TAF3: variants seen among roughly 807,000 people sequenced by gnomAD.
TAF3 encodes the protein TATA-box binding protein associated factor 3.
Under a neutral mutation model 80.6 loss-of-function variants are expected in TAF3, and 7 were observed. That is an observed-to-expected ratio of 0.09 (90% CI 0.05 to 0.16). The LOEUF is 0.16. Among genes scored for constraint, TAF3 ranks in the 10% least tolerant of loss-of-function variants. The pLI, the probability that TAF3 is intolerant of heterozygous loss-of-function variation, is 1.00. For synonymous variants in TAF3, 444 were observed against 446.1 expected, an observed-to-expected ratio of 1.00 and a Z score of 0.06; for missense variants, 921 against 1,140.2, an observed-to-expected ratio of 0.81 and a Z score of 2.77.
At chr10:7,825,237 A>C (rs747754830) in intron 2 of TAF3, among the ~76,000 whole-genome samples, 2 of 152,212 alleles carry the variant, frequency 1.3e-5, no homozygotes, top group Non-Finnish European at 2.9e-5. Flanking sequence ...GAGTTGGAAA[A>C]GTTGCAATAA....
intron 2 of TAF3, among the ~76,000 whole-genome samples, chr10:7,944,155 G>A (rs1260091090): frequency 6.7e-6 from 1 of 149,468 alleles, no homozygotes; most frequent in Non-Finnish European, 1.5e-5. Context: ...GGAGGGAAAA[G>A]GTAGATGAAA....
chr10:7,957,243 A>G (rs1302707533), intron 2 of TAF3, among the ~76,000 whole-genome samples: 1 of 152,180 alleles, frequency 6.6e-6, no homozygotes, highest in African/African-American at 2.4e-5. Flanking sequence ...AGCTTCCCCA[A>G]CAGCCCTCAA....
chr10:7,937,152 C>A (rs1837929210), intron 2 of TAF3, among the ~76,000 whole-genome samples: 1 of 152,244 alleles, frequency 6.6e-6, no homozygotes, highest in Middle Eastern at 3.4e-3. Context: ...TATCTGTTTG[C>A]AGGTTTTTGT....
At chr10:7,939,558 G>A (rs1837956958) in intron 2 of TAF3, among the ~76,000 whole-genome samples, 1 of 143,438 alleles carries the variant, frequency 7.0e-6, no homozygotes, top group Non-Finnish European at 1.5e-5. Context: ...TAGAGACAAT[G>A]TAGGAAATAG....
At chr10:7,976,437 C>T (rs137890526) in intron 3 of TAF3, among the ~76,000 whole-genome samples, 2,278 of 139,186 alleles carry the variant, frequency 0.016, 31 homozygotes, top group South Asian at 0.05. Context: ...TTTTTTGAGA[C>T]GGAGTCTCGC....
intron 4 of TAF3, among the ~76,000 whole-genome samples, chr10:7,993,880 C>CTTTTTTTTTTTTTTT: frequency 9.6e-6 from 1 of 104,406 alleles, no homozygotes; most frequent in South Asian, 3.7e-4. Flanking sequence ...AATATACAAT[C>CTTTTTTTTTTTTTTT]TTTTTTTTTT....
At chr10:8,004,567 T>C (rs1031966941) in intron 4 of TAF3, among the ~76,000 whole-genome samples, 1 of 152,154 alleles carries the variant, frequency 6.6e-6, no homozygotes, top group African/African-American at 2.4e-5. Flanking sequence ...TTCAAAGACA[T>C]AATTTATTTT....
intron 4 of TAF3, among the ~76,000 whole-genome samples, chr10:7,979,207 G>A (rs1354579442): frequency 6.6e-6 from 1 of 151,980 alleles, no homozygotes; most frequent in Non-Finnish European, 1.5e-5. Flanking sequence ...AGCCAGGTGT[G>A]GTGGCAGGTG....
At chr10:7,972,190 G>C (rs1564374689) in intron 3 of TAF3, among the ~76,000 whole-genome samples, 1 of 152,102 alleles carries the variant, frequency 6.6e-6, no homozygotes, top group African/African-American at 2.4e-5. Flanking sequence ...TGTTGTTTTT[G>C]GTAAGTGCAT....
At chr10:7,868,230 C>G (rs1029040096) in intron 2 of TAF3, among the ~76,000 whole-genome samples, 1 of 152,184 alleles carries the variant, frequency 6.6e-6, no homozygotes, top group Non-Finnish European at 1.5e-5. Flanking sequence ...CATCATCCAA[C>G]AAAAGTAATG....
At chr10:7,882,916 A>G (rs757404494) in intron 2 of TAF3, among the ~76,000 whole-genome samples, 3 of 152,232 alleles carry the variant, frequency 2.0e-5, no homozygotes, top group African/African-American at 7.2e-5. Context: ...TGCTGTTTCT[A>G]TGTAGATACA....
At chr10:7,949,091 G>T (rs78343095) in intron 2 of TAF3, among the ~76,000 whole-genome samples, 5 of 152,128 alleles carry the variant, frequency 3.3e-5, no homozygotes, top group African/African-American at 7.2e-5. Context: ...CTTTTTTATC[G>T]ACTGCTCTTG....
At chr10:7,860,575 A>T (rs1837134142) in intron 2 of TAF3, among the ~76,000 whole-genome samples, 1 of 152,194 alleles carries the variant, frequency 6.6e-6, no homozygotes, top group Non-Finnish European at 1.5e-5. Context: ...TTCATATAGA[A>T]AAAAACAAAA....
Position 7,964,164 on chromosome 10 carries a change from A to C in TAF3, c.654A>C (p.Ser218=), listed in dbSNP as rs760131441. Residue 218 remains serine (S), a synonymous_variant, in exon 3 of 7, where the codon TCA becomes TCC. Coordinates refer to ENST00000344293, the MANE Select transcript of TAF3 (RefSeq NM_031923.4). This position sits in a 1 kb window ranked among gnomAD's most constrained non-coding sequence, Gnocchi z 4.1. The part of the protein sequence containing the change: ...VLLEAREPLS[S]INTQKIPPML... Reference sequence around the variant, plus strand: ...TGGAAGCTCGAGAGCCACTCAGCTCAATAAATACTCAAAAGATCCCACCAA... The same window carrying C: ...TGGAAGCTCGAGAGCCACTCAGCTCCATAAATACTCAAAAGATCCCACCAA... 1.9e-6 allele frequency: 3 copies of C among 1,614,102 alleles called. No individual in the cohort carries two copies. Among genetic ancestry groups the C allele is most frequent in the Non-Finnish European group, 2.5e-6 (3 of 1,180,044 alleles).
At chr10:7,850,836 G>A (rs1326076325) in intron 2 of TAF3, among the ~76,000 whole-genome samples, 2 of 152,212 alleles carry the variant, frequency 1.3e-5, no homozygotes, top group Admixed American at 1.3e-4. Flanking sequence ...AAACATCTAA[G>A]TTAGCTGTAC....
chr10:7,922,917 A>G (rs115969386), intron 2 of TAF3, among the ~76,000 whole-genome samples: 1,693 of 152,156 alleles, frequency 0.011, 33 homozygotes, highest in African/African-American at 0.038. Context: ...TAATAGGCTT[A>G]TTAGAAAACT....
At chr10:7,844,949 C>G (rs898772825) in intron 2 of TAF3, among the ~76,000 whole-genome samples, 1 of 152,102 alleles carries the variant, frequency 6.6e-6, no homozygotes, top group African/African-American at 2.4e-5. Flanking sequence ...CATCAAATAT[C>G]TTTGCACATG....
chr10:7,871,530 G>A (rs1453460621), intron 2 of TAF3, among the ~76,000 whole-genome samples: 6 of 136,012 alleles, frequency 4.4e-5, no homozygotes, highest in African/African-American at 1.1e-4. Flanking sequence ...TGCAATCTCC[G>A]CCTCCCAGGT....
rs1009773533 is a variant in TAF3 at position 7,818,538 on chromosome 10, C to T, written c.-172C>T. 6.5e-6 allele frequency: 4 copies of T among 616,662 alleles called. No homozygotes were observed. Among genetic ancestry groups the T allele is most frequent in the East Asian group, 3.4e-5 (1 of 29,252 alleles). The allele number at this position is 616,662 out of a possible 1,614,324, so 38.2% of individuals were successfully genotyped here. A position where few individuals can be genotyped will look rare whatever the true frequency, so the allele number is the denominator to read the frequency against. ...GCGGAGCGAGTCCAAAATGGCGGCTCTCAGGCTGGCGCGCTCCGTGCTGCT... is the reference window on the plus strand; with the variant it reads ...GCGGAGCGAGTCCAAAATGGCGGCTTTCAGGCTGGCGCGCTCCGTGCTGCT... On this transcript the variant is annotated 5_prime_UTR_variant, in exon 1 of 7. Coordinates refer to ENST00000344293, the MANE Select transcript of TAF3 (RefSeq NM_031923.4).
Sources: allele counts gnomAD v4.1 joint callset (sites outside exome capture counted in the v4.1 genomes callset), GRCh38; gene constraint gnomAD v4.1.1; non-coding constraint Gnocchi (gnomAD v3.1); transcripts MANE v1.5; gene names NCBI Gene and HGNC (gene_info 2026-07-23, HGNC 2026-07-21).